HCRTR1: variants seen among roughly 807,000 people sequenced by gnomAD.
The protein encoded by HCRTR1 is orexin/Hypocretin receptor type 1.
A neutral mutation model predicts 40.6 loss-of-function variants in HCRTR1; 28 were observed. The observed-to-expected ratio is 0.69, with a 90% confidence interval of 0.51 to 0.95. The LOEUF is 0.95. HCRTR1 is among the 40% of genes least tolerant of loss of function. The probability of loss-of-function intolerance (pLI) is 0.00; values close to 1 mark genes in which losing one functional copy is unlikely to be tolerated. For synonymous variants in HCRTR1, 209 were observed against 230.0 expected, an observed-to-expected ratio of 0.91 and a Z score of 0.83; for missense variants, 482 against 564.7, an observed-to-expected ratio of 0.85 and a Z score of 1.48.
chr1:31,626,057 A>G lies in HCRTR1; in HGVS notation c.1088-733A>G, dbSNP rs1639970418. On this transcript the variant is annotated intron_variant, in intron 8 of 8. Coordinates refer to ENST00000403528, the MANE Select transcript of HCRTR1 (RefSeq NM_001525.3). This position sits in a 1 kb window ranked among gnomAD's most constrained non-coding sequence, Gnocchi z 4.6. ...GCCTTTGTTTGGCCTATGTTTACTG[A>G]GCACCTACTATGTGCTTGACCCTGT... 6.6e-6 allele frequency among the ~76,000 whole-genome samples: 1 copy of G among 152,166 alleles called. No individual in the cohort carries two copies. Among genetic ancestry groups the G allele is most frequent in the South Asian group, 2.1e-4 (1 of 4,824 alleles).
At chr1:31,622,812 T>C (rs1639885659) in intron 6 of HCRTR1, among the ~76,000 whole-genome samples, 2 of 152,110 alleles carry the variant, frequency 1.3e-5, no homozygotes, top group African/African-American at 4.8e-5. Context: ...GGCCTCCTCA[T>C]AGTCTGGTAT....
At position 31,627,465 on chromosome 1, in the gene HCRTR1, C is replaced by T. The variant is rs879344819; in HGVS notation, c.*485C>T. The T allele has an allele frequency of 7.4e-6, 6 of 809,496 alleles. No homozygotes were observed. Among genetic ancestry groups the T allele is most frequent in the African/African-American group, 3.5e-5 (2 of 57,328 alleles). 50.1% of individuals were successfully genotyped at this position (809,496 alleles called of 1,614,324 possible). A position where few individuals can be genotyped will look rare whatever the true frequency, so the allele number is the denominator to read the frequency against. On this transcript the variant is annotated 3_prime_UTR_variant, in exon 9 of 9. Transcript: ENST00000403528. Reference sequence around the variant, plus strand: ...GGCCCAGCCTTTCTCCAGCGGGCCACGAGCACAGCCCCACCCTAACCAGGT... The same window carrying T: ...GGCCCAGCCTTTCTCCAGCGGGCCATGAGCACAGCCCCACCCTAACCAGGT...
At position 31,627,189 on chromosome 1, in the gene HCRTR1, A is replaced by C; in HGVS notation, c.*209A>C. ...CTGAAGCAAGTGGAAAGCTCCTTGT[A>C]AACTGTGAAGTGTTGTGGACATGAT... On this transcript the variant is annotated 3_prime_UTR_variant, in exon 9 of 9. Transcript: ENST00000403528. The C allele has an allele frequency of 6.8e-7, 1 of 1,471,504 alleles. No individual in the cohort carries two copies. The highest frequency in any genetic ancestry group is 9.1e-7 in the Non-Finnish European group (1 of 1,104,926). 91.2% of individuals were successfully genotyped at this position (1,471,504 alleles called of 1,614,324 possible).
At chr1:31,622,261 G>A (rs978559098) in intron 6 of HCRTR1, among the ~76,000 whole-genome samples, 1 of 152,112 alleles carries the variant, frequency 6.6e-6, no homozygotes, top group African/African-American at 2.4e-5. Flanking sequence ...CCTAGCGAGT[G>A]GGAGTCCTGG....
downstream of HCRTR1, chr1:31,632,612 G>A (rs1375287373): frequency 2.1e-5 from 34 of 1,613,946 alleles, no homozygotes; most frequent in Middle Eastern, 1.7e-4. Context: ...ACATCGATGC[G>A]GCCTGACTTG....
chr1:31,633,466 G>A, downstream of HCRTR1: 1 of 851,832 alleles, frequency 1.2e-6, no homozygotes, highest in South Asian at 1.9e-5. Flanking sequence ...TGATGGAAGA[G>A]GACCTTCAGT....
At chr1:31,628,941 G>A (rs1385448627), downstream of HCRTR1, among the ~76,000 whole-genome samples, 1 of 152,218 alleles carries the variant, frequency 6.6e-6, no homozygotes, top group Non-Finnish European at 1.5e-5. Context: ...GGCCCACAGA[G>A]AAAACCACAG....
chr1:31,619,251 C>A lies in HCRTR1; in HGVS notation c.59C>A (p.Pro20Gln). Residue 20 changes from proline to glutamine, a missense_variant, in exon 3 of 9, where the codon CCG becomes CAG. Coordinates refer to ENST00000403528, the MANE Select transcript of HCRTR1 (RefSeq NM_001525.3). ...QMGVPPGSREPSPVPPDYEDE... is the reference protein window; with the variant it reads ...QMGVPPGSREQSPVPPDYEDE... ...GGGGTCCCCCCTGGCAGCAGAGAGCCGTCCCCTGTGCCTCCAGACTATGAA... is the reference window on the plus strand; with the variant it reads ...GGGGTCCCCCCTGGCAGCAGAGAGCAGTCCCCTGTGCCTCCAGACTATGAA... The A allele has an allele frequency of 6.2e-7, 1 of 1,613,884 alleles. No individual in the cohort carries two copies. Among genetic ancestry groups the A allele is most frequent in the Non-Finnish European group, 8.5e-7 (1 of 1,180,026 alleles).
downstream of HCRTR1, chr1:31,632,492 C>T (rs1640135852): frequency 6.2e-7 from 1 of 1,614,126 alleles, no homozygotes; most frequent in South Asian, 1.1e-5. Context: ...CCATGACCCG[C>T]ACCTTGCTGC....
At position 31,625,119 on chromosome 1, in the gene HCRTR1, G is replaced by T. The variant is rs755967011; in HGVS notation, c.1087+1G>T. On this transcript the variant is annotated splice_donor_variant, in intron 8 of 8. Transcript: ENST00000403528. LOFTEE classifies it high-confidence loss of function. This position sits in a 1 kb window ranked among gnomAD's most constrained non-coding sequence, Gnocchi z 4.2. ...CCCATCATCTACAACTTCCTCAGTG[G>T]TGAGCAGGCTGGGGATGCAAAATGA... 6.2e-7 allele frequency: 1 copy of T among 1,607,334 alleles called. No homozygotes were observed. Among genetic ancestry groups the T allele is most frequent in the South Asian group, 1.1e-5 (1 of 90,140 alleles).
At chr1:31,629,088 G>A (rs1214909635), downstream of HCRTR1, among the ~76,000 whole-genome samples, 2 of 152,226 alleles carry the variant, frequency 1.3e-5, no homozygotes, top group Non-Finnish European at 2.9e-5. Flanking sequence ...AGACTCACAT[G>A]GGGACTATGA....
At chr1:31,633,400 C>T (rs1311085242), downstream of HCRTR1, 2 of 1,364,494 alleles carry the variant, frequency 1.5e-6, no homozygotes, top group Non-Finnish European at 2.0e-6. Flanking sequence ...TTCTCCTACA[C>T]ACGAAGCTTC....
downstream of HCRTR1, chr1:31,630,132 G>A (rs572188808): frequency 1.2e-3 from 225 of 188,760 alleles, no homozygotes; most frequent in Middle Eastern, 2.6e-3. Context: ...TATGGGTGTG[G>A]CAGAATCCAA....
downstream of HCRTR1, chr1:31,632,271 T>C (rs1570267913): frequency 1.3e-6 from 1 of 770,982 alleles, no homozygotes; most frequent in Non-Finnish European, 2.2e-6. Context: ...CACTCCAGGG[T>C]CCAGCCCTGA....
Position 31,625,151 on chromosome 1 carries a change from G to A in HCRTR1, c.1087+33G>A. On this transcript the variant is annotated intron_variant, in intron 8 of 8. Transcript: ENST00000403528. The surrounding 1 kb of genome is among the most constrained non-coding windows in gnomAD (Gnocchi z 4.2). ...GGCTGGGGATGCAAAATGACTGAGG[G>A]TGGCCAACAGTCCACATGACAAGTC... 6.4e-7 allele frequency: 1 copy of A among 1,564,530 alleles called. No individual in the cohort carries two copies. Among genetic ancestry groups the A allele is most frequent in the African/African-American group, 1.4e-5 (1 of 73,850 alleles).
chr1:31,623,519 A>G lies in HCRTR1; in HGVS notation c.739-4A>G, dbSNP rs1639905451. On this transcript the variant is annotated splice_polypyrimidine_tract_variant and splice_region_variant and intron_variant, in intron 6 of 8. Coordinates refer to ENST00000403528, the MANE Select transcript of HCRTR1 (RefSeq NM_001525.3). The stretch of plus-strand genomic sequence containing the variant: ...CCACTGCTGTCTCTATGTGTGCTGG[A>G]CAGATCCCCGGCACCACCTCAGCAC... 1 of 1,610,498 alleles carries G rather than the reference A, an allele frequency of 6.2e-7. No individual in the cohort carries two copies. The highest frequency in any genetic ancestry group is 8.5e-7 in the Non-Finnish European group (1 of 1,178,642).
chr1:31,620,569 G>T (rs1337921005), intron 4 of HCRTR1, among the ~76,000 whole-genome samples: 2 of 152,226 alleles, frequency 1.3e-5, no homozygotes, highest in East Asian at 3.8e-4. Flanking sequence ...TTATTCACCG[G>T]AGGGGTGCAC....
In HCRTR1 at chr1:31,619,730, C is replaced by A. The variant is rs764390004; in HGVS notation, c.378+20C>A. The A allele has an allele frequency of 4.5e-6, 7 of 1,571,372 alleles. No homozygotes were observed. The South Asian group carries it at 8.3e-5, about 19-fold the overall frequency. ...CTACAGGTGAGCTCTGCCCAGGCAC[C>A]CCTCACCACTCCTTGTCACGCCTGT... On this transcript the variant is annotated intron_variant, in intron 4 of 8. Transcript: ENST00000403528.
chr1:31,623,551 G>A lies in HCRTR1; in HGVS notation c.767G>A (p.Arg256Gln), dbSNP rs144550848. Residue 256 changes from arginine (R) to glutamine (Q), a missense_variant, in exon 7 of 9, where the codon CGG becomes CAG. By Grantham distance (43) the Arg-to-Gln change is conservative. Coordinates refer to ENST00000403528, the MANE Select transcript of HCRTR1 (RefSeq NM_001525.3). ...CCCGGCACCACCTCAGCACTGGTGC[G>A]GAACTGGAAGCGCCCCTCAGACCAG... ...QIPGTTSALV[R>Q]NWKRPSDQLG... 3.5e-5 allele frequency: 56 copies of A among 1,613,304 alleles called. No individual in the cohort carries two copies. Among genetic ancestry groups the A allele is most frequent in the Admixed American group, 1.5e-4 (9 of 60,002 alleles).
Sources: gnomAD v4.1 joint callset for allele counts (sites outside exome capture counted in the v4.1 genomes callset) on GRCh38, gnomAD v4.1.1 for gene constraint, Gnocchi (gnomAD v3.1) non-coding constraint, MANE v1.5 for transcripts, NCBI Gene and HGNC (gene_info 2026-07-23, HGNC 2026-07-21) for gene names.